The following DYM variants were observed in gnomAD, a reference collection of about 807,000 sequenced individuals.
The protein encoded by DYM is dyggve-Melchior-Clausen syndrome protein.
A neutral mutation model predicts 93.1 loss-of-function variants in DYM; 78 were observed. The observed-to-expected ratio is 0.84, with a 90% confidence interval of 0.70 to 1.01. The LOEUF is 1.01. DYM is among the 50% of genes least tolerant of loss of function. The pLI, the probability that DYM is intolerant of heterozygous loss-of-function variation, is 0.00. For synonymous variants in DYM, 321 were observed against 319.7 expected (o/e 1.00, Z -0.04); for missense variants, 789 against 845.0 (o/e 0.93, Z 0.82).
At chr18:49,302,565 T>C (rs1033816323) in intron 8 of DYM, among the ~76,000 whole-genome samples, 1 of 152,122 alleles carries the variant, frequency 6.6e-6, no homozygotes, top group Non-Finnish European at 1.5e-5. Flanking sequence ...ATGTGATCCA[T>C]AAAGTTTAAA....
chr18:49,249,085 G>C (rs2094230854), intron 13 of DYM, among the ~76,000 whole-genome samples: 1 of 152,122 alleles, frequency 6.6e-6, no homozygotes, highest in East Asian at 1.9e-4. Flanking sequence ...TGGATCCATG[G>C]TCCCATGGTG....
At chr18:49,285,821 C>T (rs2095109536) in intron 9 of DYM, among the ~76,000 whole-genome samples, 1 of 152,196 alleles carries the variant, frequency 6.6e-6, no homozygotes, top group African/African-American at 2.4e-5. Context: ...CATATGCTCA[C>T]CTTCTACTTT....
At chr18:49,404,001 T>G (rs909380119) in intron 2 of DYM, among the ~76,000 whole-genome samples, 2 of 151,932 alleles carry the variant, frequency 1.3e-5, no homozygotes, top group South Asian at 4.2e-4. Context: ...TTTTTCTGTT[T>G]TTTTTTTGTT....
At chr18:49,289,768 T>TC (rs1568181487) in intron 8 of DYM, among the ~76,000 whole-genome samples, 10 of 44,684 alleles carry the variant, frequency 2.2e-4, no homozygotes, top group African/African-American at 8.1e-4. Context: ...TATATATATA[T>TC]ATATACACAT....
intron 14 of DYM, among the ~76,000 whole-genome samples, chr18:49,194,586 C>A (rs2091267076): frequency 6.6e-6 from 1 of 152,092 alleles, no homozygotes; most frequent in Non-Finnish European, 1.5e-5. Context: ...TTTTTAGTCA[C>A]TGACTTAATT....
chr18:49,097,800 T>C (rs1229516385), intron 16 of DYM, among the ~76,000 whole-genome samples: 3 of 152,010 alleles, frequency 2.0e-5, no homozygotes, highest in Non-Finnish European at 2.9e-5. Context: ...ATTTCGTTTA[T>C]AGAGCAGTAT....
chr18:49,413,049 A>T (rs769792554), intron 2 of DYM: 2 of 152,208 alleles, frequency 1.3e-5, no homozygotes, highest in African/African-American at 2.4e-5. Flanking sequence ...ATGCTTGAAA[A>T]TGTGAACATA....
intron 16 of DYM, among the ~76,000 whole-genome samples, chr18:49,097,723 T>C (rs981147702): frequency 2.6e-5 from 4 of 152,188 alleles, no homozygotes; most frequent in Non-Finnish European, 4.4e-5. Context: ...GGGCTGATTA[T>C]TCATTCTGTG....
At chr18:49,190,776 A>T (rs1858766541) in intron 14 of DYM, among the ~76,000 whole-genome samples, 1 of 151,900 alleles carries the variant, frequency 6.6e-6, no homozygotes, top group Non-Finnish European at 1.5e-5. Flanking sequence ...ACAGCAGACC[A>T]CCTCCCCCTA....
chr18:49,234,347 C>T (rs777022760), intron 13 of DYM, among the ~76,000 whole-genome samples: 3 of 151,958 alleles, frequency 2.0e-5, no homozygotes, highest in Non-Finnish European at 2.9e-5. Flanking sequence ...GTCCTGGCTA[C>T]TTGGGAAGCT....
chr18:49,124,207 T>C (rs2082622617), intron 15 of DYM, among the ~76,000 whole-genome samples: 1 of 152,088 alleles, frequency 6.6e-6, no homozygotes, highest in Non-Finnish European at 1.5e-5. Flanking sequence ...AGGGAAAGTA[T>C]AAAATAGAAA....
intron 15 of DYM, among the ~76,000 whole-genome samples, chr18:49,146,264 A>G (rs1293887298): frequency 6.6e-6 from 1 of 152,242 alleles, no homozygotes; most frequent in Non-Finnish European, 1.5e-5. Context: ...AACTGGAAGC[A>G]TTCCCTTTGA....
intron 8 of DYM, among the ~76,000 whole-genome samples, chr18:49,295,134 C>T (rs1199280002): frequency 6.6e-6 from 1 of 152,038 alleles, no homozygotes; most frequent in Non-Finnish European, 1.5e-5. Context: ...CCATCATGAC[C>T]CAACAAATAC....
intron 2 of DYM, among the ~76,000 whole-genome samples, chr18:49,421,701 T>C (rs1298671442): frequency 6.6e-6 from 1 of 152,182 alleles, no homozygotes; most frequent in Non-Finnish European, 1.5e-5. Flanking sequence ...AATAACAAAC[T>C]TCTCCGAGCT....
At chr18:49,299,755 T>A (rs1012337112) in intron 8 of DYM, among the ~76,000 whole-genome samples, 34 of 152,090 alleles carry the variant, frequency 2.2e-4, no homozygotes, top group Admixed American at 1.4e-3. Flanking sequence ...ATAAAAATAT[T>A]CATATGGTCC....
intron 13 of DYM, among the ~76,000 whole-genome samples, chr18:49,228,166 A>T (rs2093593945): frequency 6.6e-6 from 1 of 152,140 alleles, no homozygotes; most frequent in Non-Finnish European, 1.5e-5. Flanking sequence ...AAACCACCAT[A>T]TTTATTAACT....
chr18:49,092,505 G>T (rs918902890), intron 17 of DYM, among the ~76,000 whole-genome samples: 1 of 152,144 alleles, frequency 6.6e-6, no homozygotes, highest in African/African-American at 2.4e-5. Flanking sequence ...GCAACGCAAG[G>T]GGGTGCCTTT....
intron 14 of DYM, among the ~76,000 whole-genome samples, chr18:49,177,589 C>T (rs1311516239): frequency 6.6e-6 from 1 of 152,034 alleles, no homozygotes; most frequent in Non-Finnish European, 1.5e-5. Flanking sequence ...TTTTCAACAC[C>T]TATTAGCTTC....
chr18:49,419,098 C>T (rs2073339328), intron 2 of DYM, among the ~76,000 whole-genome samples: 1 of 152,132 alleles, frequency 6.6e-6, no homozygotes, highest in African/African-American at 2.4e-5. Context: ...CGCAGTGGCT[C>T]ACGCCTGTAA....
Sources: gnomAD v4.1 joint callset for allele counts (sites outside exome capture counted in the v4.1 genomes callset) on GRCh38, gnomAD v4.1.1 for gene constraint, MANE v1.5 for transcripts, NCBI Gene and HGNC (gene_info 2026-07-23, HGNC 2026-07-21) for gene names.